Variants in ALB observed in about 807,000 individuals in gnomAD.
ALB encodes serum albumin.
A neutral mutation model predicts 74.5 loss-of-function variants in ALB; 37 were observed. The ratio of observed to expected loss-of-function variants is 0.50; its 90% CI spans 0.38 to 0.65. ALB has a LOEUF of 0.65. Among genes scored for constraint, ALB ranks in the 30% least tolerant of loss-of-function variants. The probability of loss-of-function intolerance (pLI) is 0.00; values close to 1 mark genes in which losing one functional copy is unlikely to be tolerated. For synonymous variants in ALB, 249 were observed against 251.6 expected, an observed-to-expected ratio of 0.99 and a Z score of 0.10; for missense variants, 685 against 718.7, an observed-to-expected ratio of 0.95 and a Z score of 0.54.
At chr4:73,412,220 G>A in intron 7 of ALB, 95 bp downstream of exon 7, 1 of 1,456,780 alleles carries the variant, frequency 6.9e-7, no homozygotes, top group Non-Finnish European at 9.6e-7. Context: ...ACAGTGGGTT[G>A]AGATTGTCTT....
chr4:73,404,391 T>C lies in ALB; in HGVS notation c.64T>C (p.Phe22Leu), dbSNP rs762334560. Residue 22 changes from phenylalanine (F) to leucine (L), a missense_variant, in exon 1 of 15, where the codon TTT becomes CTT. Coordinates refer to ENST00000295897, the MANE Select transcript of ALB (RefSeq NM_000477.7). ...TAGCTCGGCTTATTCCAGGGGTGTG[T>C]TTCGTCGAGATGCACGTAAGAAATC... ...LFSSAYSRGV[F>L]RRDAHKSEVA... The C allele has an allele frequency of 1.9e-6, 3 of 1,613,172 alleles. No homozygotes were observed. Among genetic ancestry groups the C allele is most frequent in the East Asian group, 2.2e-5 (1 of 44,856 alleles).
Position 73,419,584 on chromosome 4 carries a change from C to T in ALB, c.1730C>T (p.Ala577Val). The change falls in exon 13 of 15, where the codon GCT becomes GTT. Residue 577 changes from alanine (A) to valine (V), a missense_variant. Physicochemically the swap from Ala to Val is moderately conservative, Grantham distance 64. Coordinates refer to ENST00000295897, the MANE Select transcript of ALB (RefSeq NM_000477.7). ...AAAGCTGTTATGGATGATTTCGCAG[C>T]TTTTGTAGAGAAGTGCTGCAAGGCT... ...QLKAVMDDFAAFVEKCCKADD... is the reference protein window; with the variant it reads ...QLKAVMDDFAVFVEKCCKADD... The T allele has an allele frequency of 6.2e-7, 1 of 1,613,844 alleles. No homozygotes were observed. The highest frequency in any genetic ancestry group is 8.5e-7 in the Non-Finnish European group (1 of 1,179,940).
intron 14 of ALB, 79 bp downstream of exon 14, chr4:73,420,400 G>A: frequency 1.0e-6 from 1 of 963,832 alleles, no homozygotes; most frequent in Non-Finnish European, 1.6e-6. Context: ...ATTTCCAAGA[G>A]CCATATAGAC....
At chr4:73,407,093 T>C (rs1472366220) in intron 3 of ALB, among the ~76,000 whole-genome samples, 1 of 152,146 alleles carries the variant, frequency 6.6e-6, no homozygotes, top group Non-Finnish European at 1.5e-5. Context: ...ATAGCATGTA[T>C]TTATTTATTT....
At chr4:73,411,933 C>T in intron 6 of ALB, 63 bp from the exon 7 acceptor site, 1 of 1,590,794 alleles carries the variant, frequency 6.3e-7, no homozygotes, top group Non-Finnish European at 8.6e-7. Flanking sequence ...ATAGTATTTG[C>T]CTAGTGTTTT....
intron 2 of ALB, 103 bp downstream of exon 2, chr4:73,405,276 C>G (rs1264274381): frequency 3.7e-5 from 37 of 1,011,330 alleles, no homozygotes; most frequent in Non-Finnish European, 5.5e-5. Context: ...GATTCTAAAA[C>G]AGTGCTGCCT....
At chr4:73,418,334 A>G (rs1218930456) in intron 12 of ALB, 23 bp downstream of exon 12, 3 of 1,592,574 alleles carry the variant, frequency 1.9e-6, no homozygotes, top group Admixed American at 1.7e-5. Context: ...TCATTACTGC[A>G]TGTGTTTGTA....
In ALB at chr4:73,418,117, G is replaced by T. The variant is rs746659121; in HGVS notation, c.1458G>T (p.Val486=). ...YLSVVLNQLC[V]LHEKTPVSDR... ...CCGTGGTCCTGAACCAGTTATGTGT[G>T]TTGCATGAGAAAACGCCAGTAAGTG... Residue 486 remains valine (V), a synonymous_variant, in exon 12 of 15, where the codon GTG becomes GTT. Transcript: ENST00000295897. 15 of 1,614,128 alleles carry T rather than the reference G, an allele frequency of 9.3e-6. No individual in the cohort carries two copies. In the South Asian group the frequency reaches 1.6e-4, roughly 18 times the overall value.
intron 13 of ALB, 130 bp downstream of exon 13, chr4:73,419,769 A>G: frequency 8.7e-7 from 1 of 1,152,112 alleles, no homozygotes; most frequent in Non-Finnish European, 1.3e-6. Flanking sequence ...TTTACAAACA[A>G]TTGTCTTACA....
At chr4:73,415,574 A>G (rs951513446) in intron 9 of ALB, among the ~76,000 whole-genome samples, 1 of 152,188 alleles carries the variant, frequency 6.6e-6, no homozygotes, top group Non-Finnish European at 1.5e-5. Flanking sequence ...AATATTTTCA[A>G]ATCTTTTTGA....
intron 7 of ALB, chr4:73,413,132 A>G (rs1428433770): frequency 8.5e-6 from 3 of 353,082 alleles, no homozygotes; most frequent in African/African-American, 2.1e-5. Flanking sequence ...GAAAAACAGC[A>G]TTGAGTTTTA....
In ALB at chr4:73,404,361, C is replaced by A; in HGVS notation, c.34C>A (p.Leu12Ile). Reference protein sequence around the residue: ...KWVTFISLLFLFSSAYSRGVF... With the variant: ...KWVTFISLLFIFSSAYSRGVF... ...GGTAACCTTTATTTCCCTTCTTTTTCTCTTTAGCTCGGCTTATTCCAGGGG... is the reference window on the plus strand; with the variant it reads ...GGTAACCTTTATTTCCCTTCTTTTTATCTTTAGCTCGGCTTATTCCAGGGG... The change falls in exon 1 of 15, where the codon CTC becomes ATC. Residue 12 changes from leucine to isoleucine, a missense_variant. Physicochemically the swap from Leu to Ile is conservative, Grantham distance 5. Transcript: ENST00000295897. 1 of 1,613,774 alleles carries A rather than the reference C, an allele frequency of 6.2e-7. No individual in the cohort carries two copies. The highest frequency in any genetic ancestry group is 8.5e-7 in the Non-Finnish European group (1 of 1,179,798).
chr4:73,416,562 A>C (rs1436527006), intron 10 of ALB, among the ~76,000 whole-genome samples: 2 of 152,112 alleles, frequency 1.3e-5, no homozygotes, highest in African/African-American at 4.8e-5. Context: ...TTGTTCTCTT[A>C]AGATTGGAAG....
chr4:73,409,077 G>A (rs775299498), intron 4 of ALB: 13 of 571,868 alleles, frequency 2.3e-5, no homozygotes, highest in Non-Finnish European at 3.7e-5. Flanking sequence ...ACGAAGATAT[G>A]TATATATGGT....
At chr4:73,409,607 C>T (rs1183453190) in intron 5 of ALB, 120 bp downstream of exon 5, 3 of 1,245,666 alleles carry the variant, frequency 2.4e-6, no homozygotes, top group Non-Finnish European at 3.5e-6. Context: ...TCAAAAAAGC[C>T]TTCCTTTTAT....
intron 8 of ALB, 97 bp from the exon 9 acceptor site, chr4:73,414,938 A>T: frequency 6.7e-7 from 1 of 1,486,086 alleles, no homozygotes; most frequent in Non-Finnish European, 9.3e-7. Flanking sequence ...TAGTCAAATT[A>T]AGACTTTTGG....
intron 11 of ALB, 98 bp from the exon 12 acceptor site, chr4:73,417,990 A>AGGT (rs1232985196): frequency 9.0e-7 from 1 of 1,116,152 alleles, no homozygotes; most frequent in Non-Finnish European, 1.3e-6. Context: ...CTGGGACTAC[A>AGGT]GGTGCATGCC....
intron 7 of ALB, among the ~76,000 whole-genome samples, chr4:73,412,974 G>T (rs1008937212): frequency 6.6e-6 from 1 of 152,072 alleles, no homozygotes; most frequent in African/African-American, 2.4e-5. Flanking sequence ...AATCTCTCAT[G>T]GCACTTTCTG....
Position 73,421,218 on chromosome 4 carries a change from T to A in ALB, c.*150T>A. Reference sequence around the variant, plus strand: ...ATTTCTTTAATCATTTTGCCTCTTTTCTCTGTGCTTCAATTAATAAAAAAT... The same window carrying A: ...ATTTCTTTAATCATTTTGCCTCTTTACTCTGTGCTTCAATTAATAAAAAAT... On this transcript the variant is annotated 3_prime_UTR_variant, in exon 15 of 15. Transcript: ENST00000295897. 1 of 624,846 alleles carries A rather than the reference T, an allele frequency of 1.6e-6. No homozygotes were observed. The highest frequency in any genetic ancestry group is 1.9e-5 in the South Asian group (1 of 53,150). The allele number at this position is 624,846 out of a possible 1,614,324, so 38.7% of individuals were successfully genotyped here.
Sources: allele counts gnomAD v4.1 joint callset (sites outside exome capture counted in the v4.1 genomes callset), GRCh38; gene constraint gnomAD v4.1.1; transcripts MANE v1.5; gene names NCBI Gene and HGNC (gene_info 2026-07-23, HGNC 2026-07-21).